The following XPR1 variants were observed in gnomAD, a reference collection of about 807,000 sequenced individuals.
XPR1 encodes xenotropic and polytropic retrovirus receptor 1, also known as solute carrier family 53 member 1.
A neutral mutation model predicts 87.5 loss-of-function variants in XPR1; 28 were observed. That is an observed-to-expected ratio of 0.32 (90% CI 0.24 to 0.44). The LOEUF (loss-of-function observed/expected upper bound fraction) is 0.44, where lower values mean the gene tolerates loss of function less well. Ranked by LOEUF, XPR1 falls within the 20% of genes least tolerant of loss-of-function variation. The pLI, the probability that XPR1 is intolerant of heterozygous loss-of-function variation, is 1.00. For missense variants in XPR1, 559 were observed against 862.3 expected (o/e 0.65, Z 4.41); for synonymous variants, 300 against 306.1 (o/e 0.98, Z 0.21).
intron 9 of XPR1, among the ~76,000 whole-genome samples, chr1:180,830,743 A>T (rs762745248): frequency 3.3e-5 from 5 of 152,166 alleles, no homozygotes; most frequent in Non-Finnish European, 7.3e-5. Flanking sequence ...TCCCATCTTC[A>T]CTTCACACAG....
At chr1:180,752,238 CAAAAT>C (rs1218967446) in intron 2 of XPR1, among the ~76,000 whole-genome samples, 1 of 152,056 alleles carries the variant, frequency 6.6e-6, no homozygotes, top group Admixed American at 6.5e-5. Flanking sequence ...AGAAATGTGA[CAAAAT>C]AAAGGATAGT....
rs150431507 is a variant in XPR1, at chr1:180,773,478, A to G, written c.122-14275A>G. Among the ~76,000 whole-genome samples the G allele has an allele frequency of 8.6e-3, 1,316 of 152,352 alleles. 6 individuals carry two copies. Among genetic ancestry groups the G allele is most frequent in the Middle Eastern group, 0.014 (4 of 294 alleles). On this transcript the variant is annotated intron_variant, in intron 2 of 14. Transcript: ENST00000367590. ...AGAGAGTTACTATTTTAAGCTAAAT[A>G]ATTATATTCCCTTTCCTTTCACAAT...
chr1:180,758,195 A>G (rs1429390477), intron 2 of XPR1, among the ~76,000 whole-genome samples: 2 of 151,634 alleles, frequency 1.3e-5, no homozygotes, highest in Non-Finnish European at 2.9e-5. Flanking sequence ...CTTTACGGCA[A>G]TATGGATGGA....
At position 180,676,773 on chromosome 1, in the gene XPR1, C is replaced by T. The variant is rs1034761930; in HGVS notation, c.70-5587C>T. Among the ~76,000 whole-genome samples the T allele has an allele frequency of 1.6e-4, 25 of 152,156 alleles. 1 individual carries two copies. Among genetic ancestry groups the T allele is most frequent in the African/African-American group, 5.1e-4 (21 of 41,442 alleles). ...TTCATAATTTTGTCATATTCAGCCT[C>T]ATATTTACAGAATATTAATTCTTAA... On this transcript the variant is annotated intron_variant, in intron 1 of 14. Transcript: ENST00000367590.
intron 1 of XPR1, among the ~76,000 whole-genome samples, chr1:180,676,663 A>G (rs1010753504): frequency 1.3e-5 from 2 of 152,172 alleles, no homozygotes; most frequent in African/African-American, 4.8e-5. Flanking sequence ...CTAACTTCTT[A>G]TTTTAGTCTG....
intron 2 of XPR1, among the ~76,000 whole-genome samples, chr1:180,689,095 C>G (rs901473648): frequency 6.6e-6 from 1 of 151,974 alleles, no homozygotes; most frequent in African/African-American, 2.4e-5. Flanking sequence ...AATAGTCAAC[C>G]AAGGTAACGG....
At chr1:180,791,236 A>T (rs1649366606) in intron 3 of XPR1, among the ~76,000 whole-genome samples, 1 of 152,202 alleles carries the variant, frequency 6.6e-6, no homozygotes, top group African/African-American at 2.4e-5. Context: ...GTTTATGAAG[A>T]AAAATATCTA....
intron 9 of XPR1, among the ~76,000 whole-genome samples, chr1:180,833,550 T>C (rs1284540366): frequency 1.3e-5 from 2 of 151,570 alleles, no homozygotes; most frequent in South Asian, 2.1e-4. Flanking sequence ...TAGTCTCTGA[T>C]AAAACAGACT....
At chr1:180,876,001 A>C (rs1034902527) in intron 13 of XPR1, among the ~76,000 whole-genome samples, 2 of 152,168 alleles carry the variant, frequency 1.3e-5, no homozygotes, top group African/African-American at 4.8e-5. Flanking sequence ...AGAAATAGAA[A>C]ATCTGTATTA....
chr1:180,656,645 ATTAT>A (rs1202028145), intron 1 of XPR1, among the ~76,000 whole-genome samples: 2 of 119,150 alleles, frequency 1.7e-5, no homozygotes, highest in African/African-American at 6.3e-5. Flanking sequence ...ATAATATATT[ATTAT>A]ATATAATATA....
chr1:180,837,519 C>T (rs1307238267), intron 11 of XPR1, among the ~76,000 whole-genome samples: 4 of 151,888 alleles, frequency 2.6e-5, no homozygotes, highest in African/African-American at 9.7e-5. Flanking sequence ...TTGGCCAGTG[C>T]TACAAAATTG....
At chr1:180,727,066 G>A (rs572175563) in intron 2 of XPR1, among the ~76,000 whole-genome samples, 1 of 151,888 alleles carries the variant, frequency 6.6e-6, no homozygotes, top group African/African-American at 2.4e-5. Context: ...TAGTAGAGAC[G>A]GGGTTTCACC....
chr1:180,851,483 G>C (rs375375534), intron 11 of XPR1, among the ~76,000 whole-genome samples: 2 of 152,142 alleles, frequency 1.3e-5, no homozygotes, highest in Non-Finnish European at 2.9e-5. Context: ...ATAACTCCAA[G>C]ACCAGAAAAG....
At chr1:180,685,302 A>G (rs1006001936) in intron 2 of XPR1, among the ~76,000 whole-genome samples, 1 of 152,146 alleles carries the variant, frequency 6.6e-6, no homozygotes, top group Admixed American at 6.5e-5. Context: ...TGATTTGCGT[A>G]TGTTGAACCA....
intron 2 of XPR1, among the ~76,000 whole-genome samples, chr1:180,751,842 C>G (rs1295377217): frequency 6.6e-6 from 1 of 152,006 alleles, no homozygotes; most frequent in Non-Finnish European, 1.5e-5. Flanking sequence ...ACAAGCTTGT[C>G]TATAATTTTA....
intron 11 of XPR1, among the ~76,000 whole-genome samples, chr1:180,839,426 T>A (rs1435647571): frequency 6.6e-6 from 1 of 152,242 alleles, no homozygotes; most frequent in Non-Finnish European, 1.5e-5. Flanking sequence ...AAAAATATTG[T>A]TAATTTCAGT....
chr1:180,659,925 A>T (rs771840130), intron 1 of XPR1, among the ~76,000 whole-genome samples: 1 of 152,128 alleles, frequency 6.6e-6, no homozygotes, highest in African/African-American at 2.4e-5. Flanking sequence ...TTTTTGGAGT[A>T]GTGTGAGTAG....
chr1:180,716,650 T>G (rs1295187805), intron 2 of XPR1, among the ~76,000 whole-genome samples: 4 of 152,226 alleles, frequency 2.6e-5, no homozygotes, highest in Non-Finnish European at 4.4e-5. Context: ...AATTTCAGGT[T>G]CTAAACTTCA....
Position 180,787,840 on chromosome 1 carries a change from A to G in XPR1, c.209A>G (p.Asn70Ser). The G allele has an allele frequency of 1.9e-6, 3 of 1,611,446 alleles. No homozygotes were observed. The highest frequency in any genetic ancestry group is 1.7e-6 in the Non-Finnish European group (2 of 1,179,240). Residue 70 changes from asparagine (N) to serine (S), a missense_variant, in exon 3 of 15, where the codon AAC (asparagine) becomes AGC (serine). By Grantham distance (46) the Asn-to-Ser change is conservative. This residue lies in a region of XPR1 where 159 missense variants were observed against 263.3 expected (regional missense o/e 0.60). Coordinates refer to ENST00000367590, the MANE Select transcript of XPR1 (RefSeq NM_004736.4). ...TGTGAAAAAGAACTTGCCAAAATCA[A>G]CACATTTTATTCAGGTGAGTAATTA... ...QTCEKELAKI[N>S]TFYSEKLAEA... is the part of the protein sequence containing the mutation.
Sources: allele counts gnomAD v4.1 joint callset (sites outside exome capture counted in the v4.1 genomes callset), GRCh38; gene constraint gnomAD v4.1.1; regional missense constraint gnomAD v4.1.1; transcripts MANE v1.5; gene names NCBI Gene and HGNC (gene_info 2026-07-23, HGNC 2026-07-21).